The following PDGFD variants were observed in gnomAD, a reference collection of about 807,000 sequenced individuals.
The protein encoded by PDGFD is platelet-derived growth factor D.
Under a neutral mutation model 44.7 loss-of-function variants are expected in PDGFD, and 30 were observed. That is an observed-to-expected ratio of 0.67 (90% CI 0.50 to 0.91). The LOEUF (loss-of-function observed/expected upper bound fraction) is 0.91. PDGFD is among the 40% of genes least tolerant of loss of function. PDGFD has a pLI of 0.00. For synonymous variants in PDGFD, 173 were observed against 168.4 expected, an observed-to-expected ratio of 1.03 and a Z score of -0.21; for missense variants, 445 against 457.8, an observed-to-expected ratio of 0.97 and a Z score of 0.25.
chr11:103,929,401 C>G (rs1258904714), intron 5 of PDGFD, among the ~76,000 whole-genome samples: 1 of 152,094 alleles, frequency 6.6e-6, no homozygotes, highest in Non-Finnish European at 1.5e-5. Flanking sequence ...GACACCCAAG[C>G]CAAAGTACAG....
intron 3 of PDGFD, among the ~76,000 whole-genome samples, chr11:103,983,183 C>T (rs1457666198): frequency 1.3e-5 from 2 of 151,750 alleles, no homozygotes; most frequent in African/African-American, 4.9e-5. Context: ...TACAGGGTTA[C>T]AGTAACCAAA....
chr11:104,157,785 C>CT, intron 1 of PDGFD, among the ~76,000 whole-genome samples: 1 of 152,252 alleles, frequency 6.6e-6, no homozygotes, highest in South Asian at 2.1e-4. Flanking sequence ...AGGAAGCAGA[C>CT]TTTAAGTGTT....
intron 1 of PDGFD, among the ~76,000 whole-genome samples, chr11:104,124,615 T>C (rs1057235491): frequency 1.3e-5 from 2 of 152,228 alleles, no homozygotes; most frequent in Admixed American, 1.3e-4. Flanking sequence ...AAAGTTTAGA[T>C]GCTTTTTACT....
At chr11:104,097,474 A>C (rs777747790) in intron 1 of PDGFD, among the ~76,000 whole-genome samples, 47 of 152,108 alleles carry the variant, frequency 3.1e-4, no homozygotes, top group Non-Finnish European at 5.4e-4. Flanking sequence ...AATAGCACCT[A>C]CCAGTTGGGG....
chr11:103,999,996 T>A, intron 2 of PDGFD, 55 bp downstream of exon 2: 2 of 1,447,564 alleles, frequency 1.4e-6, no homozygotes, highest in South Asian at 2.3e-5. Flanking sequence ...TTTAAATTCA[T>A]CTTTTTCTTT....
At chr11:103,921,593 C>T (rs2134306526) in intron 6 of PDGFD, among the ~76,000 whole-genome samples, 1 of 149,374 alleles carries the variant, frequency 6.7e-6, no homozygotes, top group South Asian at 2.1e-4. Flanking sequence ...CCCCATAAAC[C>T]CACTGAAAAG....
At chr11:104,020,552 G>C (rs1020278631) in intron 1 of PDGFD, among the ~76,000 whole-genome samples, 2 of 152,030 alleles carry the variant, frequency 1.3e-5, no homozygotes, top group African/African-American at 4.8e-5. Flanking sequence ...TACACATTAA[G>C]GGACATAATA....
At chr11:104,132,513 C>A (rs1861939461) in intron 1 of PDGFD, among the ~76,000 whole-genome samples, 1 of 151,982 alleles carries the variant, frequency 6.6e-6, no homozygotes, top group Non-Finnish European at 1.5e-5. Context: ...ACAGTGATTT[C>A]TTCCTGGCAT....
intron 3 of PDGFD, among the ~76,000 whole-genome samples, chr11:103,974,909 G>T (rs1011092875): frequency 3.3e-5 from 5 of 152,090 alleles, no homozygotes; most frequent in African/African-American, 1.2e-4. Context: ...TGGGCATTTG[G>T]GTTGGTTCCA....
intron 1 of PDGFD, among the ~76,000 whole-genome samples, chr11:104,032,423 C>A (rs553040149): frequency 1.3e-5 from 2 of 152,020 alleles, no homozygotes; most frequent in African/African-American, 4.8e-5. Flanking sequence ...CTTGATTACA[C>A]GTTAAAGGTA....
intron 2 of PDGFD, among the ~76,000 whole-genome samples, chr11:103,998,692 G>A (rs1454305812): frequency 6.6e-6 from 1 of 152,206 alleles, no homozygotes. Context: ...TTGATCAGAA[G>A]TAGGAGAGGC....
chr11:104,153,578 TCAA>T (rs1459987181), intron 1 of PDGFD, among the ~76,000 whole-genome samples: 1 of 152,088 alleles, frequency 6.6e-6, no homozygotes, highest in Non-Finnish European at 1.5e-5. Context: ...TTACATTGAC[TCAA>T]CAGTTCATTC....
At chr11:104,117,080 T>C in intron 1 of PDGFD, among the ~76,000 whole-genome samples, 1 of 151,932 alleles carries the variant, frequency 6.6e-6, no homozygotes, top group East Asian at 1.9e-4. Flanking sequence ...GTTTAACATA[T>C]GCAAGTCAAT....
chr11:103,999,848 GA>G (rs1174843751), intron 2 of PDGFD, among the ~76,000 whole-genome samples: 2 of 152,156 alleles, frequency 1.3e-5, no homozygotes, highest in African/African-American at 4.8e-5. Flanking sequence ...GAGTTTCTGT[GA>G]GTACTGCCAG....
At chr11:104,104,897 G>A (rs1466831988) in intron 1 of PDGFD, among the ~76,000 whole-genome samples, 1 of 143,222 alleles carries the variant, frequency 7.0e-6, no homozygotes, top group Non-Finnish European at 1.6e-5. Flanking sequence ...GATACCATAT[G>A]CAAATTTACA....
chr11:104,031,274 G>C (rs954717050), intron 1 of PDGFD, among the ~76,000 whole-genome samples: 1 of 152,004 alleles, frequency 6.6e-6, no homozygotes, highest in Non-Finnish European at 1.5e-5. Flanking sequence ...GGATCTAAAA[G>C]GAACTTAAAC....
chr11:103,921,842 C>T (rs492441), intron 6 of PDGFD, among the ~76,000 whole-genome samples: 69,547 of 134,602 alleles, frequency 0.52, 19,788 homozygotes, highest in African/African-American at 0.68. Context: ...AAGGTAGTCA[C>T]GGCCTTGTGT....
chr11:104,004,872 C>CTTTTTTTTTTTTT (rs33979812), intron 1 of PDGFD, among the ~76,000 whole-genome samples: 1 of 71,890 alleles, frequency 1.4e-5, no homozygotes, highest in African/African-American at 5.6e-5. Flanking sequence ...TTATTACCAC[C>CTTTTTTTTTTTTT]TTTTTTTTTT....
chr11:103,966,122 C>A (rs1352354547), intron 3 of PDGFD, among the ~76,000 whole-genome samples: 1 of 152,142 alleles, frequency 6.6e-6, no homozygotes, highest in East Asian at 1.9e-4. Flanking sequence ...CAAAAAACAT[C>A]TAATTAGAGT....
Sources: allele counts gnomAD v4.1 joint callset (sites outside exome capture counted in the v4.1 genomes callset), GRCh38; gene constraint gnomAD v4.1.1; transcripts MANE v1.5; gene names NCBI Gene and HGNC (gene_info 2026-07-23, HGNC 2026-07-21).